DIAPH2: variants seen among roughly 807,000 people sequenced by gnomAD.
DIAPH2 encodes diaphanous related formin 2.
Under a neutral mutation model 92.7 loss-of-function variants are expected in DIAPH2, and 35 were observed. The observed-to-expected ratio is 0.38, with a 90% confidence interval of 0.29 to 0.50. DIAPH2 has a LOEUF of 0.50. Ranked by LOEUF, DIAPH2 falls within the 20% of genes least tolerant of loss-of-function variation. DIAPH2 has a pLI of 0.94. For synonymous variants in DIAPH2, 301 were observed against 280.4 expected (o/e 1.07, Z -0.73); for missense variants, 701 against 819.5 (o/e 0.86, Z 1.77).
At chrX:97,127,715 A>G (rs1475337997) in intron 21 of DIAPH2, among the ~76,000 whole-genome samples, 1 of 112,628 alleles carries the variant, frequency 8.9e-6, no homozygotes, top group African/African-American at 3.2e-5. Flanking sequence ...TATAAAATTT[A>G]CTCATTTTAG....
intron 25 of DIAPH2, among the ~76,000 whole-genome samples, chrX:97,424,644 T>C (rs753949188): frequency 8.1e-4 from 91 of 111,773 alleles, no homozygotes; most frequent in African/African-American, 2.9e-3. Flanking sequence ...AGACAGGGTC[T>C]CACTCTGTCA....
rs745325538 is a variant in DIAPH2, at chrX:97,585,552, A to G, written c.3242-13701A>G. Reference sequence around the variant, plus strand: ...CCTTCATTGGCCACTGTTGAGGGGGAAAAAGCCTATTTAGTACTGCTTTCC... The same window carrying G: ...CCTTCATTGGCCACTGTTGAGGGGGGAAAAGCCTATTTAGTACTGCTTTCC... On this transcript the variant is annotated intron_variant, in intron 26 of 26. Coordinates refer to ENST00000324765, the MANE Select transcript of DIAPH2 (RefSeq NM_006729.5). Among the ~76,000 whole-genome samples, 18 of 98,510 alleles carry G rather than the reference A, an allele frequency of 1.8e-4. No individual in the cohort carries two copies. In the East Asian group the frequency reaches 4.3e-3, roughly 23 times the overall value. 85.5% of individuals were successfully genotyped at this position (98,510 alleles called of 115,157 possible). A position where few individuals can be genotyped will look rare whatever the true frequency, so the allele number is the denominator to read the frequency against.
intron 25 of DIAPH2, among the ~76,000 whole-genome samples, chrX:97,413,823 C>T (rs1312885096): frequency 9.0e-6 from 1 of 111,407 alleles, no homozygotes; most frequent in Non-Finnish European, 1.9e-5. Context: ...CAATAAAATA[C>T]CTAGGGATCC....
intron 17 of DIAPH2, among the ~76,000 whole-genome samples, chrX:97,071,675 C>T (rs780817095): frequency 9.0e-6 from 1 of 111,651 alleles, no homozygotes; most frequent in Non-Finnish European, 1.9e-5. Flanking sequence ...GAAGTCTTAA[C>T]GGACTTCCAG....
chrX:96,852,768 A>T (rs1363060027), intron 4 of DIAPH2, among the ~76,000 whole-genome samples: 2 of 112,027 alleles, frequency 1.8e-5, no homozygotes, highest in Non-Finnish European at 3.8e-5. Flanking sequence ...AAAATTTCTG[A>T]TATAGCTTGT....
chrX:97,006,710 T>TA (rs1349676909), intron 17 of DIAPH2, among the ~76,000 whole-genome samples: 2 of 112,275 alleles, frequency 1.8e-5, no homozygotes, highest in Non-Finnish European at 3.8e-5. Context: ...GAGCTTTTTT[T>TA]AAAAAACATT....
intron 26 of DIAPH2, among the ~76,000 whole-genome samples, chrX:97,507,024 C>A (rs755632663): frequency 1.0e-4 from 11 of 108,944 alleles, no homozygotes; most frequent in Non-Finnish European, 1.9e-4. Context: ...GAAGAATATA[C>A]AGCAGACACC....
At chrX:96,784,683 A>AGAAG (rs1225644152) in intron 4 of DIAPH2, among the ~76,000 whole-genome samples, 1 of 112,554 alleles carries the variant, frequency 8.9e-6, no homozygotes, top group Non-Finnish European at 1.9e-5. Flanking sequence ...ATTAGAAAGA[A>AGAAG]GAAGACATGA....
At chrX:97,104,131 C>T (rs936846112) in intron 20 of DIAPH2, among the ~76,000 whole-genome samples, 6 of 111,511 alleles carry the variant, frequency 5.4e-5, no homozygotes, top group Non-Finnish European at 7.5e-5. Context: ...TATGAGGTTA[C>T]TTCTTGACTG....
chrX:96,709,481 GTCTCCA>G, intron 1 of DIAPH2, among the ~76,000 whole-genome samples: 1 of 111,964 alleles, frequency 8.9e-6, no homozygotes, highest in African/African-American at 3.2e-5. Flanking sequence ...CTTTGCAGGT[GTCTCCA>G]GTTTCTATCT....
intron 4 of DIAPH2, among the ~76,000 whole-genome samples, chrX:96,810,822 T>C (rs749779214): frequency 4.2e-4 from 47 of 111,806 alleles, no homozygotes; most frequent in Middle Eastern, 4.6e-3. Flanking sequence ...AAAGATCAGA[T>C]GGTTGCAGAT....
At chrX:96,888,030 T>G (rs1018357460) in intron 5 of DIAPH2, among the ~76,000 whole-genome samples, 4 of 109,517 alleles carry the variant, frequency 3.7e-5, no homozygotes, top group African/African-American at 1.3e-4. Context: ...TGCGTAGATT[T>G]ACGTTTTCAG....
intron 17 of DIAPH2, among the ~76,000 whole-genome samples, chrX:97,040,706 T>C (rs1032804279): frequency 9.0e-6 from 1 of 110,544 alleles, no homozygotes; most frequent in Non-Finnish European, 1.9e-5. Flanking sequence ...TTTATTTTTA[T>C]TTTTACTATT....
chrX:97,512,391 C>T (rs1177406566), intron 26 of DIAPH2, among the ~76,000 whole-genome samples: 1 of 112,106 alleles, frequency 8.9e-6, no homozygotes, highest in African/African-American at 3.2e-5. Context: ...CTATTTGATT[C>T]TTCTCTCTTT....
chrX:97,572,888 C>T (rs903287266), intron 26 of DIAPH2, among the ~76,000 whole-genome samples: 2 of 111,490 alleles, frequency 1.8e-5, no homozygotes, highest in Admixed American at 9.6e-5. Flanking sequence ...CAGGTACCAA[C>T]GAGTCATCCA....
chrX:97,393,441 G>T (rs2069678212), intron 25 of DIAPH2, among the ~76,000 whole-genome samples: 1 of 111,894 alleles, frequency 8.9e-6, no homozygotes. Flanking sequence ...ATTATAATTA[G>T]AGCATGCACA....
chrX:97,053,675 A>T (rs2147896066), intron 17 of DIAPH2, among the ~76,000 whole-genome samples: 1 of 111,825 alleles, frequency 8.9e-6, no homozygotes, highest in Admixed American at 9.5e-5. Context: ...TTCTGTCGAT[A>T]GTTCAAGTTT....
chrX:96,752,409 G>A (rs1441623051), intron 3 of DIAPH2, among the ~76,000 whole-genome samples: 2 of 112,311 alleles, frequency 1.8e-5, no homozygotes, highest in African/African-American at 6.5e-5. Context: ...TGCATTCCAG[G>A]AATTATGCTC....
At chrX:97,082,644 A>G (rs749771056) in intron 19 of DIAPH2, among the ~76,000 whole-genome samples, 2 of 110,460 alleles carry the variant, frequency 1.8e-5, no homozygotes, top group East Asian at 5.7e-4. Context: ...AAACAAACAA[A>G]CAAACAAACA....
Sources: gnomAD v4.1 joint callset for allele counts (sites outside exome capture counted in the v4.1 genomes callset) on GRCh38, gnomAD v4.1.1 for gene constraint, MANE v1.5 for transcripts, NCBI Gene and HGNC (gene_info 2026-07-23, HGNC 2026-07-21) for gene names.